FMNL2: variants seen among roughly 807,000 people sequenced by gnomAD.
FMNL2 encodes the protein formin like 2.
FMNL2 carries 51 observed loss-of-function variants against 130.2 expected under a neutral mutation model. That is an observed-to-expected ratio of 0.39 (90% CI 0.31 to 0.49). The LOEUF (loss-of-function observed/expected upper bound fraction) is 0.49. FMNL2 is among the 20% of genes least tolerant of loss of function. The pLI is 0.85. For synonymous variants in FMNL2, 465 were observed against 467.1 expected (o/e 1.00, Z 0.06); for missense variants, 977 against 1,316.2 (o/e 0.74, Z 3.99).
At position 152,643,575 on chromosome 2, in the gene FMNL2, C is replaced by G. The variant is rs544424414; in HGVS notation, c.3169+2661C>G. On this transcript the variant is annotated intron_variant, in intron 25 of 25. Transcript: ENST00000288670. The stretch of plus-strand genomic sequence containing the variant: ...TACAGGTTTTTTGATGTCTTATGTC[C>G]CCCTCTGTGTGTCTGTCAGGGCCCA... 1.2e-4 allele frequency: 187 copies of G among 1,531,042 alleles called. No individual in the cohort carries two copies. In the East Asian group the frequency reaches 4.1e-3, roughly 34 times the overall value. The allele number at this position is 1,531,042 out of a possible 1,614,324, so 94.8% of individuals were successfully genotyped here. A position where few individuals can be genotyped will look rare whatever the true frequency, so the allele number is the denominator to read the frequency against.
chr2:152,360,808 T>C (rs1191955103), intron 1 of FMNL2, among the ~76,000 whole-genome samples: 1 of 152,230 alleles, frequency 6.6e-6, no homozygotes, highest in African/African-American at 2.4e-5. Context: ...TACTACATGA[T>C]AATTAAATTC....
chr2:152,485,814 C>T (rs1204590446), intron 1 of FMNL2, among the ~76,000 whole-genome samples: 1 of 152,176 alleles, frequency 6.6e-6, no homozygotes, highest in Non-Finnish European at 1.5e-5. Flanking sequence ...ACTGCATCCC[C>T]TCTCATTCTA....
At chr2:152,469,438 A>G (rs1452620222) in intron 1 of FMNL2, among the ~76,000 whole-genome samples, 2 of 152,216 alleles carry the variant, frequency 1.3e-5, no homozygotes, top group African/African-American at 4.8e-5. Context: ...CTCCTTGGCT[A>G]GTATCCCTTT....
chr2:152,532,650 C>T (rs1693767754), intron 2 of FMNL2, among the ~76,000 whole-genome samples: 1 of 149,506 alleles, frequency 6.7e-6, no homozygotes, highest in Admixed American at 6.7e-5. Context: ...CTCTTTTGCC[C>T]AGGCTGGAGT....
At chr2:152,619,480 AG>A (rs1224869936) in intron 14 of FMNL2, 28 bp from the exon 15 acceptor site, 1 of 1,549,724 alleles carries the variant, frequency 6.5e-7, no homozygotes, top group Admixed American at 2.0e-5. Flanking sequence ...GTATTTTCAA[AG>A]TCCATCTGTT....
chr2:152,569,306 T>A (rs949834280), intron 6 of FMNL2, among the ~76,000 whole-genome samples: 7 of 152,164 alleles, frequency 4.6e-5, no homozygotes, highest in African/African-American at 1.7e-4. Flanking sequence ...CCTTGCTTGC[T>A]TTTTGTGCTC....
At chr2:152,522,963 G>A (rs1035746032) in intron 2 of FMNL2, among the ~76,000 whole-genome samples, 15 of 152,110 alleles carry the variant, frequency 9.9e-5, no homozygotes, top group Non-Finnish European at 1.8e-4. Flanking sequence ...AATTATGACT[G>A]TGGGGTGGTG....
At position 152,389,807 on chromosome 2, in the gene FMNL2, CT is replaced by C; in HGVS notation, c.117+54088del. 3 of 1,380,400 alleles carry C rather than the reference CT, an allele frequency of 2.2e-6. No individual in the cohort carries two copies. In the South Asian group the frequency reaches 3.6e-5, roughly 16 times the overall value. 85.5% of individuals were successfully genotyped at this position (1,380,400 alleles called of 1,614,324 possible). ...CTTCGACGCAAAACAGACTTTTTCA[CT>C]GCAGGAGAAGAGGGGATGGCAAAGA... On this transcript the variant is annotated intron_variant, in intron 1 of 25. Coordinates refer to ENST00000288670, the MANE Select transcript of FMNL2 (RefSeq NM_052905.4).
At chr2:152,550,988 A>G (rs1410371528) in intron 4 of FMNL2, among the ~76,000 whole-genome samples, 1 of 151,968 alleles carries the variant, frequency 6.6e-6, no homozygotes, top group Admixed American at 6.6e-5. Flanking sequence ...AAATACAAAA[A>G]ATTAGCCAGG....
At chr2:152,586,089 G>A (rs1697059557) in intron 9 of FMNL2, among the ~76,000 whole-genome samples, 1 of 152,128 alleles carries the variant, frequency 6.6e-6, no homozygotes, top group South Asian at 2.1e-4. Context: ...AATTCATCAG[G>A]ATTTCGGATC....
intron 1 of FMNL2, among the ~76,000 whole-genome samples, chr2:152,427,252 A>C (rs1687247482): frequency 6.6e-6 from 1 of 152,218 alleles, no homozygotes; most frequent in African/African-American, 2.4e-5. Flanking sequence ...TTAATGCTTT[A>C]AAATCATTGT....
At chr2:152,645,649 A>C (rs1683485773) in intron 25 of FMNL2, 1 of 465,514 alleles carries the variant, frequency 2.1e-6, no homozygotes. Context: ...CTCACATTCC[A>C]ATGATGCAGG....
At chr2:152,468,115 A>C (rs1689654169) in intron 1 of FMNL2, among the ~76,000 whole-genome samples, 1 of 152,252 alleles carries the variant, frequency 6.6e-6, no homozygotes. Context: ...AGCATAGAGT[A>C]GTCATGGCTT....
intron 25 of FMNL2, chr2:152,643,852 G>A (rs910145689): frequency 2.0e-6 from 2 of 985,418 alleles, no homozygotes; most frequent in South Asian, 9.4e-5. Context: ...GTACCAAGTA[G>A]ATTGCTTATA....
At chr2:152,588,393 C>T (rs921293793) in intron 9 of FMNL2, among the ~76,000 whole-genome samples, 3 of 152,170 alleles carry the variant, frequency 2.0e-5, no homozygotes, top group Non-Finnish European at 2.9e-5. Context: ...TGACATTGGG[C>T]CCATCCATAA....
chr2:152,557,702 T>C (rs1695302738), intron 4 of FMNL2, among the ~76,000 whole-genome samples: 1 of 152,240 alleles, frequency 6.6e-6, no homozygotes, highest in Non-Finnish European at 1.5e-5. Context: ...AGAATTGTCC[T>C]ACTGTTATTT....
At chr2:152,444,113 A>G (rs1688213496) in intron 1 of FMNL2, among the ~76,000 whole-genome samples, 1 of 152,100 alleles carries the variant, frequency 6.6e-6, no homozygotes, top group Non-Finnish European at 1.5e-5. Context: ...GAAACTGACT[A>G]TTTAAGCAGT....
At chr2:152,411,424 G>C (rs1234509060) in intron 1 of FMNL2, among the ~76,000 whole-genome samples, 1 of 152,146 alleles carries the variant, frequency 6.6e-6, no homozygotes, top group African/African-American at 2.4e-5. Flanking sequence ...TTAGGAATCT[G>C]CCCATAGGCC....
intron 1 of FMNL2, among the ~76,000 whole-genome samples, chr2:152,493,021 C>T (rs1184277173): frequency 1.3e-5 from 2 of 152,132 alleles, no homozygotes; most frequent in African/African-American, 4.8e-5. Context: ...ATAGTAGACT[C>T]CTACTTCCTA....
Sources: allele counts gnomAD v4.1 joint callset (sites outside exome capture counted in the v4.1 genomes callset), GRCh38; gene constraint gnomAD v4.1.1; transcripts MANE v1.5; gene names NCBI Gene and HGNC (gene_info 2026-07-23, HGNC 2026-07-21).